HP1BP3: variants seen among roughly 807,000 people sequenced by gnomAD.
The protein encoded by HP1BP3 is heterochromatin protein 1 binding protein 3, also known as heterochromatin protein 1-binding protein 3.
A neutral mutation model predicts 62.5 loss-of-function variants in HP1BP3; 12 were observed. The observed-to-expected ratio is 0.19, with a 90% CI of 0.12 to 0.31. HP1BP3 has a LOEUF of 0.31. Ranked by LOEUF, HP1BP3 falls within the 10% of genes least tolerant of loss-of-function variation. The probability of loss-of-function intolerance (pLI) is 1.00; values close to 1 mark genes in which losing one functional copy is unlikely to be tolerated. For missense variants in HP1BP3, 502 were observed against 651.8 expected (o/e 0.77, Z 2.50); for synonymous variants, 260 against 237.8 (o/e 1.09, Z -0.86).
At position 20,770,953 on chromosome 1, in the gene HP1BP3, A is replaced by C; in HGVS notation, c.631T>G (p.Leu211Val). 1.2e-6 allele frequency: 2 copies of C among 1,605,288 alleles called. No individual in the cohort carries two copies. The highest frequency in any genetic ancestry group is 1.7e-6 in the Non-Finnish European group (2 of 1,177,214). Residue 211 changes from leucine to valine, a missense_variant, in exon 6 of 13, where the codon TTA becomes GTA. Physicochemically the swap from Leu to Val is conservative, Grantham distance 32. This residue lies in a region of HP1BP3 where 111 missense variants were observed against 242.0 expected (regional missense o/e 0.46). Coordinates refer to ENST00000438032, the MANE Select transcript of HP1BP3 (RefSeq NM_001372052.1). ...YLLKQALKRELNRGVIKQVKG... is the reference protein window; with the variant it reads ...YLLKQALKREVNRGVIKQVKG... ...ACCTGTTTGATGACTCCTCTATTTAATTCTCTTTTCAGTGCTTGTTTAAGG... is the reference window on the plus strand; with the variant it reads ...ACCTGTTTGATGACTCCTCTATTTACTTCTCTTTTCAGTGCTTGTTTAAGG...
At chr1:20,756,866 C>A (rs2056142714) in intron 9 of HP1BP3, among the ~76,000 whole-genome samples, 1 of 152,082 alleles carries the variant, frequency 6.6e-6, no homozygotes, top group Non-Finnish European at 1.5e-5. Flanking sequence ...CAGGCATGTG[C>A]CCCCACGCCC....
At chr1:20,751,568 T>TA (rs1466530724) in intron 9 of HP1BP3, among the ~76,000 whole-genome samples, 1 of 151,434 alleles carries the variant, frequency 6.6e-6, no homozygotes, top group Admixed American at 6.6e-5. Flanking sequence ...CTACTAAAAA[T>TA]AAAAAAACTA....
At chr1:20,769,236 T>C (rs2056938462) in intron 6 of HP1BP3, among the ~76,000 whole-genome samples, 1 of 152,118 alleles carries the variant, frequency 6.6e-6, no homozygotes, top group Admixed American at 6.6e-5. Context: ...ACTAGAGGCA[T>C]GCACCCCTAC....
intron 7 of HP1BP3, 141 bp downstream of exon 7, chr1:20,767,443 T>A (rs545995432): frequency 4.2e-6 from 3 of 711,422 alleles, no homozygotes; most frequent in African/African-American, 3.6e-5. Flanking sequence ...GAGGAACAAA[T>A]TATTTATAAC....
intron 9 of HP1BP3, among the ~76,000 whole-genome samples, chr1:20,754,872 C>T (rs747863808): frequency 3.9e-5 from 6 of 152,158 alleles, no homozygotes; most frequent in Non-Finnish European, 8.8e-5. Flanking sequence ...ACTCTTAAAA[C>T]GTACGAGTAA....
At chr1:20,785,978 G>A (rs987000990) in intron 1 of HP1BP3, among the ~76,000 whole-genome samples, 1 of 152,200 alleles carries the variant, frequency 6.6e-6, no homozygotes, top group Non-Finnish European at 1.5e-5. Context: ...ATTTTTAGAC[G>A]TTATTTCGAA....
At chr1:20,756,393 C>T (rs1367714503) in intron 9 of HP1BP3, among the ~76,000 whole-genome samples, 6 of 151,902 alleles carry the variant, frequency 3.9e-5, no homozygotes, top group Middle Eastern at 6.8e-3. Context: ...CAGTGCCTGA[C>T]GACTTCTCAT....
intron 1 of HP1BP3, among the ~76,000 whole-genome samples, chr1:20,782,214 G>A (rs746251782): frequency 6.6e-6 from 1 of 152,082 alleles, no homozygotes; most frequent in African/African-American, 2.4e-5. Context: ...GAGGTGGGAG[G>A]ATCCCTTGAA....
At chr1:20,762,046 T>C (rs972514224) in intron 8 of HP1BP3, among the ~76,000 whole-genome samples, 7 of 152,228 alleles carry the variant, frequency 4.6e-5, no homozygotes, top group Non-Finnish European at 1.5e-5. Flanking sequence ...ACATTGTAGA[T>C]ACCAGTATAG....
At chr1:20,782,914 A>G (rs1314613932) in intron 1 of HP1BP3, among the ~76,000 whole-genome samples, 3 of 150,616 alleles carry the variant, frequency 2.0e-5, no homozygotes, top group East Asian at 3.9e-4. Flanking sequence ...AAAAGAAAAA[A>G]AAAAAAAAAA....
chr1:20,759,199 G>C (rs1047349934), intron 8 of HP1BP3, among the ~76,000 whole-genome samples: 5 of 152,190 alleles, frequency 3.3e-5, no homozygotes, highest in Non-Finnish European at 5.9e-5. Flanking sequence ...TTGGGAGTTT[G>C]ACACCAGCTT....
chr1:20,758,268 T>C lies in HP1BP3; in HGVS notation c.891-1012A>G, dbSNP rs1477699662. 2.0e-5 allele frequency among the ~76,000 whole-genome samples: 3 copies of C among 152,218 alleles called. No homozygotes were observed. In the East Asian group the frequency reaches 5.8e-4, roughly 29 times the overall value. On this transcript the variant is annotated intron_variant, in intron 8 of 12. Coordinates refer to ENST00000438032, the MANE Select transcript of HP1BP3 (RefSeq NM_001372052.1). Reference sequence around the variant, plus strand: ...CTGAGACTAGTAAGAATAACATTAGTTGAACATTTACTAGGTACCAAGGAC... The same window carrying C: ...CTGAGACTAGTAAGAATAACATTAGCTGAACATTTACTAGGTACCAAGGAC...
chr1:20,767,562 A>C, intron 7 of HP1BP3, 22 bp downstream of exon 7: 1 of 1,494,880 alleles, frequency 6.7e-7, no homozygotes, highest in Non-Finnish European at 9.3e-7. Context: ...ACAGCACTCA[A>C]ACTGTGGTAT....
At chr1:20,746,755 C>G (rs1570538014) in intron 11 of HP1BP3, among the ~76,000 whole-genome samples, 2 of 152,166 alleles carry the variant, frequency 1.3e-5, no homozygotes, top group East Asian at 3.9e-4. Flanking sequence ...AAAACTTATG[C>G]ATATAATCCC....
In HP1BP3 at chr1:20,743,574, T is replaced by A. The variant is rs530610313; in HGVS notation, c.*1223A>T. 6.6e-6 allele frequency: 1 copy of A among 151,930 alleles called. No homozygotes were observed. Among genetic ancestry groups the A allele is most frequent in the African/African-American group, 2.4e-5 (1 of 41,298 alleles). The allele number at this position is 151,930 out of a possible 1,614,324, so 9.4% of individuals were successfully genotyped here. On this transcript the variant is annotated 3_prime_UTR_variant, in exon 13 of 13. Coordinates refer to ENST00000438032, the MANE Select transcript of HP1BP3 (RefSeq NM_001372052.1). ...AACTCAGGAGGCTGAGGTGGGAGAA[T>A]CGCTTGAACCTGGGAGGCGGAGTTT...
chr1:20,784,631 G>A (rs2057734582), intron 1 of HP1BP3, among the ~76,000 whole-genome samples: 1 of 151,312 alleles, frequency 6.6e-6, no homozygotes, highest in African/African-American at 2.4e-5. Context: ...CGTCCGCCAC[G>A]ACACCCAGCT....
chr1:20,755,905 T>C (rs1200518176), intron 9 of HP1BP3, among the ~76,000 whole-genome samples: 1 of 152,198 alleles, frequency 6.6e-6, no homozygotes, highest in African/African-American at 2.4e-5. Context: ...ATATAGTACA[T>C]GATTCTAGAT....
At chr1:20,774,343 A>AACAC (rs36067015) in intron 4 of HP1BP3, 56,446 of 148,560 alleles carry the variant, frequency 0.38, 10,800 homozygotes, top group African/African-American at 0.42. Context: ...ATCTCCATTA[A>AACAC]ACACACACAC....
chr1:20,780,777 C>A (rs1019370605), intron 1 of HP1BP3, among the ~76,000 whole-genome samples: 21 of 152,120 alleles, frequency 1.4e-4, no homozygotes, highest in African/African-American at 5.1e-4. Flanking sequence ...ACAAAGACAA[C>A]AAGGGCAAGG....
Sources: allele counts gnomAD v4.1 joint callset (sites outside exome capture counted in the v4.1 genomes callset), GRCh38; gene constraint gnomAD v4.1.1; regional missense constraint gnomAD v4.1.1; transcripts MANE v1.5; gene names NCBI Gene and HGNC (gene_info 2026-07-23, HGNC 2026-07-21).